FASTKD1: variants seen among roughly 807,000 people sequenced by gnomAD.
FASTKD1 encodes the protein FAST kinase domains 1, also known as FAST kinase domain-containing protein 1, mitochondrial.
FASTKD1 carries 94 observed loss-of-function variants against 90.9 expected under a neutral mutation model. The ratio of observed to expected loss-of-function variants is 1.03; its 90% CI spans 0.88 to 1.23. FASTKD1 has a LOEUF of 1.23. Ranked by LOEUF, FASTKD1 falls within the 50% of genes most tolerant of loss-of-function variation. The pLI is 0.00. For synonymous variants in FASTKD1, 319 were observed against 345.8 expected, an observed-to-expected ratio of 0.92 and a Z score of 0.86; for missense variants, 945 against 993.5, an observed-to-expected ratio of 0.95 and a Z score of 0.66.
At chr2:169,532,774 G>GACA (rs2105327788) in intron 12 of FASTKD1, among the ~76,000 whole-genome samples, 1 of 19,044 alleles carries the variant, frequency 5.3e-5, no homozygotes, top group South Asian at 1.2e-3. Flanking sequence ...ATCCCAATTT[G>GACA]GACAAACTAT....
intron 2 of FASTKD1, among the ~76,000 whole-genome samples, chr2:169,569,494 C>T (rs1684138432): frequency 6.6e-6 from 1 of 152,072 alleles, no homozygotes; most frequent in Admixed American, 6.6e-5. Context: ...ATGCTACTGA[C>T]CAATGATAAT....
At chr2:169,568,936 T>C (rs549400359) in intron 3 of FASTKD1, among the ~76,000 whole-genome samples, 2 of 150,838 alleles carry the variant, frequency 1.3e-5, no homozygotes, top group African/African-American at 2.4e-5. Context: ...GAGGCAGAGG[T>C]TGCAGTGAGC....
At chr2:169,555,017 T>C in intron 7 of FASTKD1, 107 bp downstream of exon 7, 1 of 1,001,416 alleles carries the variant, frequency 1.0e-6, no homozygotes. Flanking sequence ...CTAATAAGCT[T>C]CACAATTTTG....
At chr2:169,530,214 C>A (rs1404007721) in intron 14 of FASTKD1, among the ~76,000 whole-genome samples, 1 of 152,168 alleles carries the variant, frequency 6.6e-6, no homozygotes. Context: ...TAACTCTATC[C>A]ATCTCTACAG....
Position 169,555,100 on chromosome 2 carries a change from A to T in FASTKD1, c.1214+24T>A, listed in dbSNP as rs531665592. On this transcript the variant is annotated intron_variant, in intron 7 of 14. Coordinates refer to ENST00000453153, the MANE Select transcript of FASTKD1 (RefSeq NM_024622.6). Reference sequence around the variant, plus strand: ...TTGTGGCTAGAAAATGAAACACTAAACAAAATTTCTATTTTAATCTTACCT... The same window carrying T: ...TTGTGGCTAGAAAATGAAACACTAATCAAAATTTCTATTTTAATCTTACCT... 6.9e-6 allele frequency: 11 copies of T among 1,597,294 alleles called. No individual in the cohort carries two copies. The South Asian group carries it at 1.2e-4, about 18-fold the overall frequency.
chr2:169,539,238 C>CTTAGCTT (rs1684861697), intron 10 of FASTKD1, among the ~76,000 whole-genome samples: 2 of 151,080 alleles, frequency 1.3e-5, no homozygotes, highest in Non-Finnish European at 2.9e-5. Flanking sequence ...AGCCACTGCA[C>CTTAGCTT]TCCAGCCTGG....
At chr2:169,560,871 C>G (rs1390294979) in intron 4 of FASTKD1, 86 bp from the exon 5 acceptor site, 2 of 1,018,084 alleles carry the variant, frequency 2.0e-6, no homozygotes, top group Non-Finnish European at 2.6e-6. Flanking sequence ...TTTGTAGAAA[C>G]AGAGTCTTGC....
At chr2:169,548,493 AG>A (rs1338494181) in intron 7 of FASTKD1, among the ~76,000 whole-genome samples, 2 of 150,998 alleles carry the variant, frequency 1.3e-5, no homozygotes. Flanking sequence ...GCATTTTGAG[AG>A]GCCAAGGCGG....
rs2253680 is a variant in FASTKD1, at chr2:169,546,520, T to C, written c.1399A>G (p.Met467Val). The C allele has an allele frequency of 0.58, 934,328 of 1,613,672 alleles. 272,589 individuals are homozygous for C. The highest frequency in any genetic ancestry group is 0.7 in the Admixed American group (41,892 of 59,958). ...SVLRWIQHDH[M>V]YLDNMTAKQL... ...TTCGCAGTCATATTATCCAAATACA[T>C]GTGATCATGCTGAATCCATCTTAAA... The change falls in exon 8 of 15, where the codon ATG (methionine) becomes GTG (valine). Residue 467 changes from methionine (M) to valine (V), a missense_variant. By Grantham distance (21) the Met-to-Val change is conservative. Transcript: ENST00000453153.
intron 3 of FASTKD1, among the ~76,000 whole-genome samples, chr2:169,564,405 C>A (rs1388911588): frequency 6.6e-6 from 1 of 151,920 alleles, no homozygotes; most frequent in Non-Finnish European, 1.5e-5. Flanking sequence ...ATCCTCCAAC[C>A]TCAGCATTTT....
intron 3 of FASTKD1, among the ~76,000 whole-genome samples, chr2:169,566,204 G>A (rs1683977103): frequency 1.3e-5 from 2 of 152,062 alleles, no homozygotes; most frequent in African/African-American, 4.8e-5. Flanking sequence ...ACAAGCGTGT[G>A]CCACCACGCC....
chr2:169,569,013 AAAC>A (rs1407740098), intron 3 of FASTKD1, among the ~76,000 whole-genome samples, 168 bp downstream of exon 3: 7 of 150,058 alleles, frequency 4.7e-5, no homozygotes, highest in African/African-American at 1.5e-4. Flanking sequence ...AAAAAAAAAA[AAAC>A]AACAACACAT....
intron 3 of FASTKD1, among the ~76,000 whole-genome samples, chr2:169,568,673 GAGAAGAAAAAGAA>G (rs1684102952): frequency 7.4e-6 from 1 of 135,026 alleles, no homozygotes; most frequent in Non-Finnish European, 1.6e-5. Flanking sequence ...CAGAAAAAGA[GAGAAGAAAAAGAA>G]AGAAAGAAAA....
chr2:169,565,140 G>C (rs565878804), intron 3 of FASTKD1, among the ~76,000 whole-genome samples: 2 of 148,252 alleles, frequency 1.3e-5, no homozygotes, highest in African/African-American at 5.0e-5. Flanking sequence ...TTTTAGTAGA[G>C]ACAGGGTTTC....
intron 3 of FASTKD1, among the ~76,000 whole-genome samples, chr2:169,568,651 A>G (rs1684099468): frequency 6.9e-6 from 1 of 145,346 alleles, no homozygotes; most frequent in African/African-American, 2.7e-5. Context: ...AAAAAAAAAA[A>G]AAAAAGAGAG....
chr2:169,547,884 CAAAA>C (rs1158292826), intron 7 of FASTKD1, among the ~76,000 whole-genome samples: 1,723 of 21,248 alleles, frequency 0.081, 7 homozygotes, highest in South Asian at 0.14. Flanking sequence ...GACTCCATCT[CAAAA>C]AAAAAAAAAA....
intron 2 of FASTKD1, chr2:169,570,974 C>G (rs992207433): frequency 2.0e-5 from 3 of 152,248 alleles, no homozygotes; most frequent in African/African-American, 7.2e-5. Context: ...CCACACCCGA[C>G]TGGCATTAAT....
intron 12 of FASTKD1, among the ~76,000 whole-genome samples, chr2:169,535,538 A>C (rs1475459398): frequency 2.0e-5 from 3 of 152,096 alleles, no homozygotes; most frequent in African/African-American, 4.8e-5. Context: ...TCCTGAGCTC[A>C]AGCTATCCTT....
chr2:169,554,106 T>C (rs1228767495), intron 7 of FASTKD1, among the ~76,000 whole-genome samples: 1 of 124,370 alleles, frequency 8.0e-6, no homozygotes, highest in East Asian at 2.5e-4. Flanking sequence ...CCCCCATCTC[T>C]ACAAAAAAAA....
Sources: gnomAD v4.1 joint callset for allele counts (sites outside exome capture counted in the v4.1 genomes callset) on GRCh38, gnomAD v4.1.1 for gene constraint, MANE v1.5 for transcripts, NCBI Gene and HGNC (gene_info 2026-07-23, HGNC 2026-07-21) for gene names.